Variants in POLR3A observed in about 807,000 individuals in gnomAD.
POLR3A encodes the protein RNA polymerase III subunit A.
A neutral mutation model predicts 152.8 loss-of-function variants in POLR3A; 112 were observed. That is an observed-to-expected ratio of 0.73 (90% CI 0.63 to 0.86). The LOEUF is 0.86. Ranked by LOEUF, POLR3A falls within the 40% of genes least tolerant of loss-of-function variation. POLR3A has a pLI of 0.00. For missense variants in POLR3A, 1,385 were observed against 1,743.1 expected (o/e 0.79, Z 3.66); for synonymous variants, 615 against 652.1 (o/e 0.94, Z 0.87).
At chr10:78,028,374 C>T (rs986582713) in intron 1 of POLR3A, among the ~76,000 whole-genome samples, 1 of 152,204 alleles carries the variant, frequency 6.6e-6, no homozygotes, top group African/African-American at 2.4e-5. Flanking sequence ...TGTCATTGCA[C>T]TTGTCGTACC....
intron 11 of POLR3A, among the ~76,000 whole-genome samples, chr10:78,012,670 A>T (rs1847477871): frequency 6.6e-6 from 1 of 152,060 alleles, no homozygotes; most frequent in African/African-American, 2.4e-5. Context: ...GCCATGTCCC[A>T]CTGTGCTATT....
At chr10:77,988,494 GA>G (rs202023752) in intron 21 of POLR3A, among the ~76,000 whole-genome samples, 43 of 145,380 alleles carry the variant, frequency 3.0e-4, no homozygotes, top group African/African-American at 8.1e-4. Context: ...TCTGTCTCAG[GA>G]AAAAAAAAAC....
chr10:77,992,909 T>C (rs1275845340), intron 20 of POLR3A, among the ~76,000 whole-genome samples: 1 of 150,758 alleles, frequency 6.6e-6, no homozygotes, highest in East Asian at 2.0e-4. Context: ...AGAGACGGGG[T>C]CTCACTTTGC....
At position 78,010,521 on chromosome 10, in the gene POLR3A, G is replaced by A; in HGVS notation, c.1592C>T (p.Thr531Ile). ...VLMGTKANLV[T>I]PRNGEPLIAA... ...AATCAGCGGTTCCCCATTCCTCGGGGTTACAAGATTTGCTTTAGTCTGTAG... is the reference window on the plus strand; with the variant it reads ...AATCAGCGGTTCCCCATTCCTCGGGATTACAAGATTTGCTTTAGTCTGTAG... Residue 531 changes from threonine to isoleucine, a missense_variant, in exon 12 of 31, where the codon ACC becomes ATC. Thr to Ile is a moderately conservative substitution (Grantham distance 89, BLOSUM62 -1). Transcript: ENST00000372371. The A allele has an allele frequency of 1.2e-6, 2 of 1,613,994 alleles. No individual in the cohort carries two copies. Among genetic ancestry groups the A allele is most frequent in the Non-Finnish European group, 1.7e-6 (2 of 1,179,858 alleles).
intron 29 of POLR3A, 66 bp from the exon 30 acceptor site, chr10:77,980,339 CG>C: frequency 6.7e-7 from 1 of 1,496,296 alleles, no homozygotes; most frequent in South Asian, 1.1e-5. Flanking sequence ...AACCAAAGCA[CG>C]GTGCACCTTC....
chr10:77,993,694 T>C (rs1847271053), intron 19 of POLR3A, among the ~76,000 whole-genome samples: 1 of 152,204 alleles, frequency 6.6e-6, no homozygotes, highest in Non-Finnish European at 1.5e-5. Flanking sequence ...TCTTTCTCCC[T>C]AAGGTATAAA....
chr10:77,991,615 C>G (rs1324190367), intron 20 of POLR3A, among the ~76,000 whole-genome samples: 1 of 152,152 alleles, frequency 6.6e-6, no homozygotes, highest in Non-Finnish European at 1.5e-5. Context: ...CTCTGCCTCC[C>G]AGGTTCAAGT....
rs182426667 is a variant in POLR3A, at chr10:77,989,282, C to T, written c.2901+1772G>A. Among the ~76,000 whole-genome samples the T allele has an allele frequency of 4.7e-4, 72 of 152,332 alleles. 1 individual carries two copies. The highest frequency in any genetic ancestry group is 3.4e-3 in the Middle Eastern group (1 of 294). On this transcript the variant is annotated intron_variant, in intron 21 of 30. Transcript: ENST00000372371. ...ATGCTCCACAGCAGGCCTATGAGCA[C>T]GGGCATTCTCCTCTGGCAGGGACCT...
At chr10:77,981,153 A>G (rs1273933177) in intron 29 of POLR3A, among the ~76,000 whole-genome samples, 6 of 152,124 alleles carry the variant, frequency 3.9e-5, no homozygotes, top group Non-Finnish European at 8.8e-5. Flanking sequence ...TTAGGATGAC[A>G]TTCAGGATGA....
At chr10:78,006,172 A>G (rs1447442182) in intron 15 of POLR3A, among the ~76,000 whole-genome samples, 2 of 151,962 alleles carry the variant, frequency 1.3e-5, no homozygotes, top group African/African-American at 4.8e-5. Context: ...CGAGGTGGGC[A>G]GATCACTTGA....
At chr10:78,005,531 AAG>A (rs1847402736) in intron 15 of POLR3A, among the ~76,000 whole-genome samples, 1 of 152,232 alleles carries the variant, frequency 6.6e-6, no homozygotes, top group African/African-American at 2.4e-5. Context: ...TGTAGAAATA[AAG>A]AGAGTGAATG....
chr10:78,022,220 C>G lies in POLR3A; in HGVS notation c.810G>C (p.Leu270Phe). ...LCIRPSVVSD[L>F]KSGTNEDDLT... The stretch of plus-strand genomic sequence containing the variant: ...GATCATCTTCATTGGTGCCAGACTT[C>G]AAATCACTCACAACGGAGGGTCTGA... The change falls in exon 6 of 31, where the codon TTG (leucine) becomes TTC (phenylalanine). Residue 270 changes from leucine (L) to phenylalanine (F), a missense_variant. By Grantham distance (22) the Leu-to-Phe change is conservative. Coordinates refer to ENST00000372371, the MANE Select transcript of POLR3A (RefSeq NM_007055.4). The G allele has an allele frequency of 6.2e-7, 1 of 1,614,194 alleles. No homozygotes were observed. The highest frequency in any genetic ancestry group is 8.5e-7 in the Non-Finnish European group (1 of 1,180,020).
chr10:78,007,407 T>C (rs1847421597), intron 15 of POLR3A, among the ~76,000 whole-genome samples: 1 of 152,146 alleles, frequency 6.6e-6, no homozygotes, highest in Non-Finnish European at 1.5e-5. Flanking sequence ...ACAGGGACCT[T>C]GGAAGCAGCC....
chr10:77,980,606 A>T (rs1847132102), intron 29 of POLR3A, among the ~76,000 whole-genome samples: 1 of 152,228 alleles, frequency 6.6e-6, no homozygotes, highest in Admixed American at 6.5e-5. Context: ...AAAAACCTCA[A>T]GTATGAAGAG....
chr10:78,005,574 T>C (rs186658079), intron 15 of POLR3A, among the ~76,000 whole-genome samples: 33 of 152,234 alleles, frequency 2.2e-4, no homozygotes, highest in African/African-American at 7.9e-4. Context: ...GATAGGAAGG[T>C]ATGACCTACA....
chr10:78,019,489 A>G, intron 8 of POLR3A: 1 of 582,046 alleles, frequency 1.7e-6, no homozygotes, highest in Non-Finnish European at 3.1e-6. Context: ...ACTGAGTGAC[A>G]TGGCCAATTC....
intron 19 of POLR3A, among the ~76,000 whole-genome samples, chr10:77,998,646 AAAC>A (rs1847326115): frequency 6.6e-6 from 1 of 152,328 alleles, no homozygotes; most frequent in African/African-American, 2.4e-5. Flanking sequence ...AAAAGTCAGG[AAAC>A]AACAGGAGCT....
chr10:77,992,085 CA>C (rs1460544125), intron 20 of POLR3A, among the ~76,000 whole-genome samples: 2 of 152,062 alleles, frequency 1.3e-5, no homozygotes, highest in African/African-American at 4.8e-5. Context: ...AGCTACTCTC[CA>C]AAAAGGTTGT....
chr10:78,002,849 A>C (rs182418502), intron 16 of POLR3A, among the ~76,000 whole-genome samples: 156 of 152,272 alleles, frequency 1.0e-3, no homozygotes, highest in African/African-American at 3.7e-3. Context: ...AACTTGAAGA[A>C]TCCTTTAAAT....
Sources: gnomAD v4.1 joint callset for allele counts (sites outside exome capture counted in the v4.1 genomes callset) on GRCh38, gnomAD v4.1.1 for gene constraint, MANE v1.5 for transcripts, NCBI Gene and HGNC (gene_info 2026-07-23, HGNC 2026-07-21) for gene names.